The following C2orf42 variants were observed in gnomAD, a reference collection of about 807,000 sequenced individuals.
C2orf42 encodes uncharacterized protein C2orf42.
In C2orf42, 44 loss-of-function variants were observed where a neutral mutation model predicts 58.9. That is an observed-to-expected ratio of 0.75 (90% CI 0.59 to 0.96). The LOEUF is 0.96. Ranked by LOEUF, C2orf42 falls within the 40% of genes least tolerant of loss-of-function variation. C2orf42 has a pLI of 0.00. For missense variants in C2orf42, 630 were observed against 699.2 expected (o/e 0.90, Z 1.12); for synonymous variants, 239 against 265.4 (o/e 0.90, Z 0.97).
chr2:70,184,700 T>C (rs1385142318), intron 1 of C2orf42, among the ~76,000 whole-genome samples: 1 of 151,932 alleles, frequency 6.6e-6, no homozygotes, highest in Non-Finnish European at 1.5e-5. Context: ...AGGCTGGCTT[T>C]GAACTCCTGG....
intron 4 of C2orf42, among the ~76,000 whole-genome samples, chr2:70,178,012 CT>C (rs1471353755): frequency 2.6e-5 from 4 of 152,190 alleles, no homozygotes; most frequent in African/African-American, 7.2e-5. Flanking sequence ...TGCACTCCAG[CT>C]TGGGCAACAG....
In C2orf42 at chr2:70,150,217, A is replaced by T; in HGVS notation, c.*139T>A. 1.5e-6 allele frequency: 1 copy of T among 683,598 alleles called. No homozygotes were observed. The highest frequency in any genetic ancestry group is 2.5e-6 in the Non-Finnish European group (1 of 395,320). 42.3% of individuals were successfully genotyped at this position (683,598 alleles called of 1,614,324 possible). Reference sequence around the variant, plus strand: ...GATTTTCTTCAACAGAATCCACTTGAAAGCACTGAGAATTTGCATCTTAGC... The same window carrying T: ...GATTTTCTTCAACAGAATCCACTTGTAAGCACTGAGAATTTGCATCTTAGC... On this transcript the variant is annotated 3_prime_UTR_variant, in exon 10 of 10. Coordinates refer to ENST00000264434, the MANE Select transcript of C2orf42 (RefSeq NM_017880.3).
At chr2:70,166,300 G>A (rs1193314105) in intron 6 of C2orf42, among the ~76,000 whole-genome samples, 1 of 150,362 alleles carries the variant, frequency 6.7e-6, no homozygotes. Context: ...GCTGCAGTAA[G>A]CCATGATCAC....
chr2:70,171,225 G>A (rs1673796795), intron 5 of C2orf42, among the ~76,000 whole-genome samples: 3 of 152,164 alleles, frequency 2.0e-5, no homozygotes, highest in Admixed American at 6.6e-5. Context: ...GCAGTGAGCC[G>A]AGATCATGCC....
At chr2:70,166,560 C>T (rs961377090) in intron 6 of C2orf42, among the ~76,000 whole-genome samples, 5 of 149,344 alleles carry the variant, frequency 3.3e-5, no homozygotes, top group Non-Finnish European at 5.9e-5. Context: ...CCTGTAATTC[C>T]AGCTACTCAG....
At chr2:70,175,227 G>A (rs1674107557) in intron 5 of C2orf42, among the ~76,000 whole-genome samples, 1 of 152,172 alleles carries the variant, frequency 6.6e-6, no homozygotes, top group Non-Finnish European at 1.5e-5. Context: ...CTCCCAAAGT[G>A]CTGGGATTAC....
chr2:70,173,259 C>A (rs562156562), intron 5 of C2orf42, among the ~76,000 whole-genome samples: 38 of 146,476 alleles, frequency 2.6e-4, no homozygotes, highest in Non-Finnish European at 5.1e-4. Flanking sequence ...TGCCTAAGTG[C>A]GTAAGTTCTT....
In C2orf42 at chr2:70,168,213, G is replaced by A. The variant is rs183852397; in HGVS notation, c.1144+1344C>T. ...CACGCCACTGCACTCCAGCCTGGGCGACAAGTGATTCACCTACCTCAGCCT... is the reference window on the plus strand; with the variant it reads ...CACGCCACTGCACTCCAGCCTGGGCAACAAGTGATTCACCTACCTCAGCCT... On this transcript the variant is annotated intron_variant, in intron 6 of 9. Coordinates refer to ENST00000264434, the MANE Select transcript of C2orf42 (RefSeq NM_017880.3). Among the ~76,000 whole-genome samples the A allele has an allele frequency of 6.9e-3, 1,049 of 151,508 alleles. 11 individuals carry two copies. The highest frequency in any genetic ancestry group is 0.024 in the African/African-American group (1,002 of 41,368).
At chr2:70,158,419 TTTTA>T (rs1378538287) in intron 9 of C2orf42, among the ~76,000 whole-genome samples, 1 of 149,344 alleles carries the variant, frequency 6.7e-6, no homozygotes, top group Admixed American at 6.6e-5. Context: ...TGCATATTCC[TTTTA>T]TTATTTATTT....
At chr2:70,150,640 G>A (rs1277610999) in intron 9 of C2orf42, 76 bp from the exon 10 acceptor site, 8 of 1,036,786 alleles carry the variant, frequency 7.7e-6, no homozygotes, top group South Asian at 6.5e-5. Flanking sequence ...AAAAGTGTCC[G>A]GAATTGGAGC....
In C2orf42 at chr2:70,175,835, A is replaced by C; in HGVS notation, c.935-58T>G. ...TATCTGCTAAATATAAATTGATTTG[A>C]TGTTAATTTTTAGAGTCTAAAACAT... On this transcript the variant is annotated intron_variant, in intron 4 of 9. Coordinates refer to ENST00000264434, the MANE Select transcript of C2orf42 (RefSeq NM_017880.3). The C allele has an allele frequency of 1.7e-5, 18 of 1,090,088 alleles. No homozygotes were observed. In the South Asian group the frequency reaches 2.3e-4, roughly 14 times the overall value. The allele number at this position is 1,090,088 out of a possible 1,614,324, so 67.5% of individuals were successfully genotyped here.
At chr2:70,164,450 G>T (rs1673268333) in intron 8 of C2orf42, among the ~76,000 whole-genome samples, 1 of 151,940 alleles carries the variant, frequency 6.6e-6, no homozygotes, top group Admixed American at 6.6e-5. Context: ...TGGCCTACAT[G>T]GTCAAACCCT....
chr2:70,162,759 C>T (rs1412394229), intron 8 of C2orf42, among the ~76,000 whole-genome samples: 1 of 152,146 alleles, frequency 6.6e-6, no homozygotes, highest in Non-Finnish European at 1.5e-5. Context: ...GCCACCATGC[C>T]TGGCTCACAT....
intron 3 of C2orf42, among the ~76,000 whole-genome samples, chr2:70,180,469 A>G (rs1674479390): frequency 6.6e-6 from 1 of 151,778 alleles, no homozygotes; most frequent in South Asian, 2.1e-4. Context: ...TTGGTCAGGC[A>G]TGGTGGCAGG....
At chr2:70,174,709 T>C (rs1202023813) in intron 5 of C2orf42, among the ~76,000 whole-genome samples, 1 of 151,932 alleles carries the variant, frequency 6.6e-6, no homozygotes, top group African/African-American at 2.4e-5. Context: ...TTGCTCTTAT[T>C]GCCCAGGATG....
intron 9 of C2orf42, among the ~76,000 whole-genome samples, chr2:70,154,025 C>T (rs1346172591): frequency 6.6e-5 from 10 of 150,518 alleles, no homozygotes; most frequent in African/African-American, 2.2e-4. Flanking sequence ...TGCACTCCAG[C>T]CTGGGTGACA....
At chr2:70,180,675 CA>C (rs951564422) in intron 3 of C2orf42, among the ~76,000 whole-genome samples, 1 of 148,508 alleles carries the variant, frequency 6.7e-6, no homozygotes, top group Non-Finnish European at 1.5e-5. Flanking sequence ...ACCAACCAAC[CA>C]ACCTTTATGC....
intron 5 of C2orf42, among the ~76,000 whole-genome samples, chr2:70,174,672 T>C (rs1558675505): frequency 6.6e-6 from 1 of 151,276 alleles, no homozygotes; most frequent in Non-Finnish European, 1.5e-5. Context: ...CCCAACCCCC[T>C]CTTTCTTTTT....
chr2:70,172,947 A>C (rs1378779185), intron 5 of C2orf42, among the ~76,000 whole-genome samples: 1 of 152,080 alleles, frequency 6.6e-6, no homozygotes, highest in Non-Finnish European at 1.5e-5. Context: ...CGGATCACTT[A>C]AGGCCAGGAG....
Sources: gnomAD v4.1 joint callset for allele counts (sites outside exome capture counted in the v4.1 genomes callset) on GRCh38, gnomAD v4.1.1 for gene constraint, MANE v1.5 for transcripts, NCBI Gene and HGNC (gene_info 2026-07-23, HGNC 2026-07-21) for gene names.